MARCHF8: variants seen among roughly 807,000 people sequenced by gnomAD.
MARCHF8 encodes membrane associated ring-CH-type finger 8.
In MARCHF8, 40 loss-of-function variants were observed where a neutral mutation model predicts 51.6. That is an observed-to-expected ratio of 0.77 (90% CI 0.60 to 1.01). MARCHF8 has a LOEUF of 1.01. Ranked by LOEUF, MARCHF8 falls within the 50% of genes least tolerant of loss-of-function variation. MARCHF8 has a pLI of 0.00. For synonymous variants in MARCHF8, 263 were observed against 280.3 expected (o/e 0.94, Z 0.62); for missense variants, 685 against 708.6 (o/e 0.97, Z 0.38).
At chr10:45,533,889 G>A (rs1272062600) in intron 1 of MARCHF8, among the ~76,000 whole-genome samples, 2 of 152,116 alleles carry the variant, frequency 1.3e-5, no homozygotes, top group Non-Finnish European at 2.9e-5. Context: ...CACCCATAGA[G>A]AGCATGTAAA....
intron 2 of MARCHF8, among the ~76,000 whole-genome samples, chr10:45,531,601 C>T (rs2043886959): frequency 1.3e-5 from 2 of 151,154 alleles, no homozygotes; most frequent in African/African-American, 4.9e-5. Flanking sequence ...TCCACAGTGA[C>T]ATGACCCATA....
intron 2 of MARCHF8, among the ~76,000 whole-genome samples, chr10:45,508,521 A>C (rs908524491): frequency 6.6e-6 from 1 of 152,120 alleles, no homozygotes; most frequent in African/African-American, 2.4e-5. Context: ...TAAAATGTTA[A>C]CTTGGTTACA....
chr10:45,474,908 G>A (rs183009321), intron 3 of MARCHF8, among the ~76,000 whole-genome samples: 3 of 152,278 alleles, frequency 2.0e-5, no homozygotes, highest in Admixed American at 2.0e-4. Flanking sequence ...AGGCCTTGAG[G>A]CTAACAGAGG....
At chr10:45,490,648 A>C (rs1450105494) in intron 2 of MARCHF8, among the ~76,000 whole-genome samples, 1 of 152,216 alleles carries the variant, frequency 6.6e-6, no homozygotes, top group Non-Finnish European at 1.5e-5. Context: ...AACACTCTAA[A>C]CATAAATCTG....
intron 1 of MARCHF8, among the ~76,000 whole-genome samples, chr10:45,542,254 G>A (rs1358685222): frequency 4.0e-5 from 6 of 149,988 alleles, no homozygotes; most frequent in African/African-American, 1.5e-4. Context: ...GGCTGAGGCA[G>A]GAGAATGGTG....
At chr10:45,465,164 C>A (rs1842928605) in intron 3 of MARCHF8, among the ~76,000 whole-genome samples, 1 of 152,056 alleles carries the variant, frequency 6.6e-6, no homozygotes, top group Non-Finnish European at 1.5e-5. Context: ...CGCTAGAGGG[C>A]CCCAGACTCC....
chr10:45,478,448 TCAAA>T (rs973757315), intron 3 of MARCHF8, among the ~76,000 whole-genome samples: 6 of 151,758 alleles, frequency 4.0e-5, no homozygotes, highest in South Asian at 2.1e-4. Context: ...TAGAAAGATT[TCAAA>T]CAAACAATCG....
At position 45,564,262 on chromosome 10, in the gene MARCHF8, A is replaced by C. The variant is rs1490806134; in HGVS notation, c.-79+29973T>G. Among the ~76,000 whole-genome samples, 4 of 152,362 alleles carry C rather than the reference A, an allele frequency of 2.6e-5. No individual in the cohort carries two copies. The East Asian group carries it at 7.7e-4, about 29-fold the overall frequency. On this transcript the variant is annotated intron_variant, in intron 1 of 6. Transcript: ENST00000319836. ...GCACTCCAGCCTGGGCAACAGAGTG[A>C]GACTCCGTCTCAAAAAATATAAATA...
chr10:45,464,623 A>G (rs973775876), intron 3 of MARCHF8, among the ~76,000 whole-genome samples: 4 of 152,230 alleles, frequency 2.6e-5, no homozygotes, highest in Non-Finnish European at 5.9e-5. Flanking sequence ...TAGTTCATAT[A>G]TAAGTCAAAA....
chr10:45,470,061 C>G (rs1184108085), intron 3 of MARCHF8, among the ~76,000 whole-genome samples: 5 of 152,064 alleles, frequency 3.3e-5, no homozygotes, highest in African/African-American at 1.2e-4. Context: ...ATGGCTCTTA[C>G]AGATCTCTAG....
intron 1 of MARCHF8, among the ~76,000 whole-genome samples, chr10:45,553,888 A>C (rs12255138): frequency 0.025 from 3,797 of 152,308 alleles, 149 homozygotes; most frequent in African/African-American, 0.082. Context: ...CAGGAAAAAA[A>C]ATAGAGGGAA....
intron 2 of MARCHF8, among the ~76,000 whole-genome samples, chr10:45,489,703 G>A (rs2089302083): frequency 6.6e-6 from 1 of 152,154 alleles, no homozygotes; most frequent in South Asian, 2.1e-4. Context: ...GTCAAAATAA[G>A]ATGGTAATAA....
chr10:45,472,567 C>G (rs1040700391), intron 3 of MARCHF8, among the ~76,000 whole-genome samples: 2 of 152,210 alleles, frequency 1.3e-5, no homozygotes, highest in Admixed American at 6.5e-5. Flanking sequence ...ACATATTCCA[C>G]CAGCTAAGGA....
At chr10:45,547,682 A>G (rs1222193894) in intron 1 of MARCHF8, among the ~76,000 whole-genome samples, 2 of 152,138 alleles carry the variant, frequency 1.3e-5, no homozygotes, top group East Asian at 3.9e-4. Flanking sequence ...ATAAAACATA[A>G]TATGTTCCTG....
At chr10:45,531,621 C>G (rs961107184) in intron 2 of MARCHF8, among the ~76,000 whole-genome samples, 2 of 152,158 alleles carry the variant, frequency 1.3e-5, no homozygotes, top group Non-Finnish European at 1.5e-5. Flanking sequence ...ATCACTGAAA[C>G]TGAATTCATA....
At chr10:45,548,353 G>C (rs1367296067) in intron 1 of MARCHF8, among the ~76,000 whole-genome samples, 3 of 152,164 alleles carry the variant, frequency 2.0e-5, no homozygotes, top group Non-Finnish European at 4.4e-5. Context: ...TGCTAATGTG[G>C]GGCAGGCAGG....
chr10:45,488,577 C>T (rs1463343318), intron 3 of MARCHF8, among the ~76,000 whole-genome samples: 2 of 152,170 alleles, frequency 1.3e-5, no homozygotes, highest in African/African-American at 4.8e-5. Flanking sequence ...TATGAGCAAA[C>T]TCACGACTGC....
intron 2 of MARCHF8, among the ~76,000 whole-genome samples, chr10:45,524,267 C>A (rs2043755544): frequency 1.3e-5 from 2 of 152,286 alleles, no homozygotes; most frequent in South Asian, 4.1e-4. Flanking sequence ...AAGAAGTCAT[C>A]TTTGGTTCTT....
intron 2 of MARCHF8, among the ~76,000 whole-genome samples, chr10:45,489,724 T>C (rs4478948): frequency 6.6e-6 from 1 of 152,162 alleles, no homozygotes; most frequent in Non-Finnish European, 1.5e-5. Context: ...GTGTCTTAAG[T>C]CACATTTCAC....
Sources: gnomAD v4.1 joint callset for allele counts (sites outside exome capture counted in the v4.1 genomes callset) on GRCh38, gnomAD v4.1.1 for gene constraint, MANE v1.5 for transcripts, NCBI Gene and HGNC (gene_info 2026-07-23, HGNC 2026-07-21) for gene names.